NUP50: variants seen among roughly 807,000 people sequenced by gnomAD.
NUP50 encodes nucleoporin 50.
In NUP50, 14 loss-of-function variants were observed where a neutral mutation model predicts 36.8. That is an observed-to-expected ratio of 0.38 (90% confidence interval 0.25 to 0.59). The LOEUF is 0.59. Ranked by LOEUF, NUP50 falls within the 20% of genes least tolerant of loss-of-function variation. The probability of loss-of-function intolerance (pLI) is 0.63; values close to 1 mark genes in which losing one functional copy is unlikely to be tolerated. For synonymous variants in NUP50, 195 were observed against 210.8 expected (o/e 0.93, Z 0.65); for missense variants, 455 against 564.6 (o/e 0.81, Z 1.97).
intron 3 of NUP50, among the ~76,000 whole-genome samples, chr22:45,173,185 G>C (rs2074223866): frequency 6.6e-6 from 1 of 152,196 alleles, no homozygotes; most frequent in South Asian, 2.1e-4. Flanking sequence ...ATTAGGTCTT[G>C]TGTTTTGTAA....
chr22:45,171,719 T>C (rs1178516178), intron 3 of NUP50, 36 bp downstream of exon 3: 2 of 1,544,386 alleles, frequency 1.3e-6, no homozygotes, highest in South Asian at 2.2e-5. Flanking sequence ...TATTAAATAC[T>C]CATTTGATTT....
At chr22:45,177,381 A>G (rs1287326020) in intron 4 of NUP50, among the ~76,000 whole-genome samples, 1 of 152,072 alleles carries the variant, frequency 6.6e-6, no homozygotes, top group Non-Finnish European at 1.5e-5. Flanking sequence ...GGGTTTTGCC[A>G]TGTTGCCCAG....
intron 4 of NUP50, among the ~76,000 whole-genome samples, chr22:45,176,369 C>T (rs1021477821): frequency 2.0e-5 from 3 of 152,152 alleles, no homozygotes; most frequent in African/African-American, 7.2e-5. Context: ...AGGAGAGTGG[C>T]CCTCAGAATT....
intron 3 of NUP50, among the ~76,000 whole-genome samples, chr22:45,173,441 A>C (rs189421137): frequency 5.7e-4 from 85 of 149,198 alleles, no homozygotes; most frequent in Non-Finnish European, 8.1e-4. Flanking sequence ...TGGCTCTTTC[A>C]CTGGGAAGAT....
intron 7 of NUP50, chr22:45,184,193 G>A: frequency 2.0e-6 from 1 of 492,128 alleles, no homozygotes; most frequent in Non-Finnish European, 3.7e-6. Flanking sequence ...GAGCGAGGCT[G>A]CTGGCTCTGA....
At chr22:45,166,846 T>C (rs2074102851) in intron 1 of NUP50, among the ~76,000 whole-genome samples, 1 of 152,138 alleles carries the variant, frequency 6.6e-6, no homozygotes, top group African/African-American at 2.4e-5. Context: ...GTGTATTTAT[T>C]TCTCATCCTT....
At chr22:45,177,577 T>C (rs1758385798) in intron 4 of NUP50, 2 of 152,628 alleles carry the variant, frequency 1.3e-5, no homozygotes, top group South Asian at 4.1e-4. Flanking sequence ...TAAGTGTTAA[T>C]GCTGACCTGC....
At chr22:45,168,727 A>G (rs1458911117) in intron 2 of NUP50, among the ~76,000 whole-genome samples, 1 of 151,810 alleles carries the variant, frequency 6.6e-6, no homozygotes, top group East Asian at 1.9e-4. Context: ...TCCTTTTCTT[A>G]ATGGTAGACC....
At chr22:45,180,074 C>T (rs978610577) in intron 5 of NUP50, 1 of 152,226 alleles carries the variant, frequency 6.6e-6, no homozygotes, top group Non-Finnish European at 1.5e-5. Context: ...AAATAAGGGT[C>T]TCCCCTTTTC....
At chr22:45,165,326 C>G (rs1012124861) in intron 1 of NUP50, among the ~76,000 whole-genome samples, 8 of 152,214 alleles carry the variant, frequency 5.3e-5, no homozygotes, top group African/African-American at 1.9e-4. Context: ...GCCTGAAGCT[C>G]CTGGGCTCAA....
intron 4 of NUP50, among the ~76,000 whole-genome samples, chr22:45,176,675 A>G (rs1204435290): frequency 6.6e-6 from 1 of 152,154 alleles, no homozygotes; most frequent in Non-Finnish European, 1.5e-5. Flanking sequence ...GAGAGTATAT[A>G]CTGTTTGATT....
At chr22:45,183,616 A>C in intron 7 of NUP50, 96 bp downstream of exon 7, 1 of 845,118 alleles carries the variant, frequency 1.2e-6, no homozygotes, top group Non-Finnish European at 2.0e-6. Context: ...GTTTTTAAAC[A>C]GAGCGCATTC....
rs1374082064 is a variant in NUP50, at chr22:45,180,541, CTT to C, written c.1004-740_1004-739del. Among the ~76,000 whole-genome samples the C allele has an allele frequency of 2.6e-5, 4 of 152,222 alleles. No individual in the cohort carries two copies. The East Asian group carries it at 7.7e-4, about 29-fold the overall frequency. Reference sequence around the variant, plus strand: ...GGCACGTACCGCCACACCTGGTTAACTTTTTTATTTTTTGTAGAGATGGGGGG... The same window carrying C: ...GGCACGTACCGCCACACCTGGTTAACTTTTATTTTTTGTAGAGATGGGGGG... On this transcript the variant is annotated intron_variant, in intron 5 of 7. Coordinates refer to ENST00000347635, the MANE Select transcript of NUP50 (RefSeq NM_007172.4).
rs2074454108 is a variant in NUP50, at chr22:45,185,419, G to A, written c.*764G>A. 6.6e-6 allele frequency: 1 copy of A among 152,462 alleles called. No individual in the cohort carries two copies. The highest frequency in any genetic ancestry group is 1.5e-5 in the Non-Finnish European group (1 of 68,078). The allele number at this position is 152,462 out of a possible 1,614,324, so 9.4% of individuals were successfully genotyped here. On this transcript the variant is annotated 3_prime_UTR_variant, in exon 8 of 8. Transcript: ENST00000347635. Reference sequence around the variant, plus strand: ...CAGGAATGGGTTTAAAAGCACAAATGTGGTAGCTTATCATCTACACCATGG... The same window carrying A: ...CAGGAATGGGTTTAAAAGCACAAATATGGTAGCTTATCATCTACACCATGG...
In NUP50 at chr22:45,164,069, C is replaced by G. The variant is rs2074054747; in HGVS notation, c.-238C>G. The G allele has an allele frequency of 6.6e-6, 1 of 152,312 alleles. No homozygotes were observed. 9.4% of individuals were successfully genotyped at this position (152,312 alleles called of 1,614,324 possible). A position where few individuals can be genotyped will look rare whatever the true frequency, so the allele number is the denominator to read the frequency against. ...CCCCAGCTGTCTCTGGCTGAACCGG[C>G]GCTCTCGCCTCCCTGCCGAACACAG... On this transcript the variant is annotated 5_prime_UTR_variant, in exon 1 of 8. Transcript: ENST00000347635.
intron 3 of NUP50, among the ~76,000 whole-genome samples, chr22:45,172,690 A>G (rs145338514): frequency 1.3e-5 from 2 of 152,332 alleles, no homozygotes; most frequent in Non-Finnish European, 2.9e-5. Context: ...TATTCATTAC[A>G]TTGCCAAAGT....
At chr22:45,180,855 A>AG (rs398121870) in intron 5 of NUP50, among the ~76,000 whole-genome samples, 6 of 150,808 alleles carry the variant, frequency 4.0e-5, no homozygotes, top group Non-Finnish European at 5.9e-5. Flanking sequence ...AAAAAAAAAA[A>AG]GTATTTTTCT....
intron 3 of NUP50, among the ~76,000 whole-genome samples, chr22:45,172,746 C>T (rs947504043): frequency 6.6e-6 from 1 of 152,028 alleles, no homozygotes; most frequent in African/African-American, 2.4e-5. Flanking sequence ...AGGAAGGGAG[C>T]CAGGTAGGTG....
intron 1 of NUP50, chr22:45,164,534 G>T (rs1055720957): frequency 2.0e-5 from 3 of 152,564 alleles, no homozygotes; most frequent in South Asian, 2.0e-4. Context: ...GCTGGAGGAC[G>T]GGACCCTGGG....
Sources: allele counts gnomAD v4.1 joint callset (sites outside exome capture counted in the v4.1 genomes callset), GRCh38; gene constraint gnomAD v4.1.1; transcripts MANE v1.5; gene names NCBI Gene and HGNC (gene_info 2026-07-23, HGNC 2026-07-21).